Variants in GOLGA3 observed in about 807,000 individuals in gnomAD.
GOLGA3 encodes the protein golgin A3.
Under a neutral mutation model 169.4 loss-of-function variants are expected in GOLGA3, and 75 were observed. That is an observed-to-expected ratio of 0.44 (90% confidence interval 0.37 to 0.54). The LOEUF is 0.54. Among genes scored for constraint, GOLGA3 ranks in the 20% least tolerant of loss-of-function variants. GOLGA3 has a pLI of 0.00. For synonymous variants in GOLGA3, 824 were observed against 822.4 expected (o/e 1.00, Z -0.03); for missense variants, 1,899 against 1,930.0 (o/e 0.98, Z 0.30).
At chr12:132,824,210 T>C (rs1162137823) in intron 1 of GOLGA3, among the ~76,000 whole-genome samples, 1 of 152,208 alleles carries the variant, frequency 6.6e-6, no homozygotes, top group Non-Finnish European at 1.5e-5. Flanking sequence ...CCATCTAGAC[T>C]GGTCACCCGT....
Position 132,798,480 on chromosome 12 carries a change from T to G in GOLGA3, c.1801-3A>C, listed in dbSNP as rs753984420. The G allele has an allele frequency of 3.7e-6, 5 of 1,351,928 alleles. No individual in the cohort carries two copies. In the East Asian group the frequency reaches 1.1e-4, roughly 29 times the overall value. The allele number at this position is 1,351,928 out of a possible 1,614,324, so 83.7% of individuals were successfully genotyped here. A position where few individuals can be genotyped will look rare whatever the true frequency, so the allele number is the denominator to read the frequency against. On this transcript the variant is annotated splice_polypyrimidine_tract_variant and splice_region_variant and intron_variant, in intron 8 of 23. Transcript: ENST00000450791. ...CCTGCCTGGGTCATCTGTCCAACCT[T>G]AAAAAAAAAACCCACAAAGTAAAAA...
rs2044823067 is a variant in GOLGA3, at chr12:132,769,887, CG to C, written c.*3217del. 1 of 152,060 alleles carries C rather than the reference CG, an allele frequency of 6.6e-6. No homozygotes were observed. The allele number at this position is 152,060 out of a possible 1,614,324, so 9.4% of individuals were successfully genotyped here. A position where few individuals can be genotyped will look rare whatever the true frequency, so the allele number is the denominator to read the frequency against. ...AAGTAACTCTGGAAGGTAGAAGTGC[CG>C]GGAGAGTCCCTTGGAGATAAAAAAA... On this transcript the variant is annotated 3_prime_UTR_variant, in exon 24 of 24. Transcript: ENST00000450791.
intron 3 of GOLGA3, among the ~76,000 whole-genome samples, chr12:132,814,957 C>G (rs1183737494): frequency 6.6e-6 from 1 of 152,230 alleles, no homozygotes; most frequent in Non-Finnish European, 1.5e-5. Flanking sequence ...TCAGCAGACA[C>G]CGCCCGACGG....
rs1052970072 is a variant in GOLGA3, at chr12:132,801,578, TG to T, written c.1800+188del. ...CCGTGGGACTCCCATGTCAGAAGGTTGGGGGGGGGCCCACGGGACACGTCCT... is the reference window on the plus strand; with the variant it reads ...CCGTGGGACTCCCATGTCAGAAGGTTGGGGGGGGCCCACGGGACACGTCCT... On this transcript the variant is annotated intron_variant, in intron 8 of 23. Coordinates refer to ENST00000450791, the MANE Select transcript of GOLGA3 (RefSeq NM_001389683.1). Among the ~76,000 whole-genome samples the T allele has an allele frequency of 9.7e-3, 1,448 of 149,842 alleles. 25 individuals carry two copies. Among genetic ancestry groups the T allele is most frequent in the African/African-American group, 0.032 (1,286 of 40,810 alleles).
In GOLGA3 at chr12:132,771,839, T is replaced by TG. The variant is rs1305356561; in HGVS notation, c.*1265dup. 2.7e-5 allele frequency: 4 copies of TG among 149,134 alleles called. No homozygotes were observed. The highest frequency in any genetic ancestry group is 6.1e-5 in the Non-Finnish European group (4 of 65,942). The allele number at this position is 149,134 out of a possible 1,614,324, so 9.2% of individuals were successfully genotyped here. ...CGCGGGAGTCGCTGCAGGGAGCCCCTGGTCTGCTCTCCTCCTCCTCCTCCA... is the reference window on the plus strand; with the variant it reads ...CGCGGGAGTCGCTGCAGGGAGCCCCTGGGTCTGCTCTCCTCCTCCTCCTCCA... On this transcript the variant is annotated 3_prime_UTR_variant, in exon 24 of 24. Coordinates refer to ENST00000450791, the MANE Select transcript of GOLGA3 (RefSeq NM_001389683.1).
At chr12:132,813,517 T>A (rs1194245791) in intron 3 of GOLGA3, 98 bp from the exon 4 acceptor site, 1 of 637,466 alleles carries the variant, frequency 1.6e-6, no homozygotes, top group Non-Finnish European at 2.8e-6. Context: ...ATTACCCATA[T>A]ACTTTACACC....
rs1468123347 is a variant in GOLGA3, at chr12:132,822,040, G to A, written c.89C>T (p.Pro30Leu). 4 of 1,608,720 alleles carry A rather than the reference G, an allele frequency of 2.5e-6. No homozygotes were observed. The highest frequency in any genetic ancestry group is 2.3e-5 in the East Asian group (1 of 44,344). ...GTCAGGTGGCACCAGTGGGCCCGGG[G>A]GCTTCAGTGGGGCCTCGGGGAGAGA... ...PSSLPEAPLK[P>L]PGPLVPPDQQ... The change falls in exon 2 of 24, where the codon CCC (proline) becomes CTC (leucine). Residue 30 changes from proline to leucine, a missense_variant. Coordinates refer to ENST00000450791, the MANE Select transcript of GOLGA3 (RefSeq NM_001389683.1).
intron 5 of GOLGA3, 138 bp from the exon 6 acceptor site, chr12:132,807,426 G>A (rs1315296263): frequency 1.9e-6 from 1 of 537,422 alleles, no homozygotes; most frequent in Admixed American, 3.3e-5. Flanking sequence ...TAAGTAGAGA[G>A]CTGAGGCTTG....
intron 6 of GOLGA3, among the ~76,000 whole-genome samples, chr12:132,806,685 T>G (rs922914928): frequency 8.5e-5 from 13 of 152,142 alleles, no homozygotes; most frequent in African/African-American, 3.1e-4. Flanking sequence ...CGACAGAAGA[T>G]AAATACCTAG....
rs74503510 is a variant in GOLGA3, at chr12:132,799,694, C to T, written c.1801-1217G>A. 3.9e-5 allele frequency among the ~76,000 whole-genome samples: 6 copies of T among 152,000 alleles called. No individual in the cohort carries two copies. In the East Asian group the frequency reaches 1.2e-3, roughly 29 times the overall value. ...AGCCACCATTGCTTTAAAGCTTCCT[C>T]TCTTTTTGTTGTCCAGGCTACACCA... On this transcript the variant is annotated intron_variant, in intron 8 of 23. Transcript: ENST00000450791.
intron 15 of GOLGA3, among the ~76,000 whole-genome samples, chr12:132,785,348 C>T (rs1269692361): frequency 6.6e-6 from 1 of 152,118 alleles, no homozygotes; most frequent in African/African-American, 2.4e-5. Flanking sequence ...CTCTATCGCC[C>T]GGGCTGGAGT....
intron 2 of GOLGA3, among the ~76,000 whole-genome samples, chr12:132,821,252 CA>C (rs1950198905): frequency 6.6e-6 from 1 of 151,396 alleles, no homozygotes; most frequent in Non-Finnish European, 1.5e-5. Flanking sequence ...ACTAAAAATA[CA>C]AAAAATAGCT....
intron 8 of GOLGA3, among the ~76,000 whole-genome samples, chr12:132,799,152 C>A (rs961646375): frequency 6.6e-6 from 1 of 152,228 alleles, no homozygotes; most frequent in Non-Finnish European, 1.5e-5. Context: ...AAGCCACACG[C>A]TCCAGGACCT....
intron 7 of GOLGA3, among the ~76,000 whole-genome samples, chr12:132,803,558 T>C (rs1225967051): frequency 6.6e-6 from 1 of 152,218 alleles, no homozygotes; most frequent in Non-Finnish European, 1.5e-5. Context: ...CAAACTACTT[T>C]AGTGTTGAGA....
At chr12:132,793,078 A>T (rs1161855978) in intron 11 of GOLGA3, among the ~76,000 whole-genome samples, 1 of 17,840 alleles carries the variant, frequency 5.6e-5, no homozygotes, top group Non-Finnish European at 1.2e-4. Flanking sequence ...GGCTCCACAC[A>T]GACCCACCCC....
chr12:132,823,177 G>A (rs544714534), intron 1 of GOLGA3, among the ~76,000 whole-genome samples: 6 of 152,346 alleles, frequency 3.9e-5, no homozygotes, highest in South Asian at 2.1e-4. Context: ...GCCCGTTCCC[G>A]TCTTTACCTC....
intron 1 of GOLGA3, among the ~76,000 whole-genome samples, chr12:132,825,192 T>C (rs1332210392): frequency 2.0e-5 from 3 of 152,102 alleles, no homozygotes; most frequent in Non-Finnish European, 4.4e-5. Context: ...ACCGACCGTG[T>C]GTGCCTACGC....
At position 132,796,013 on chromosome 12, in the gene GOLGA3, G is replaced by C; in HGVS notation, c.2308C>G (p.Leu770Val). 2.5e-6 allele frequency: 4 copies of C among 1,613,170 alleles called. No homozygotes were observed. Among genetic ancestry groups the C allele is most frequent in the Non-Finnish European group, 3.4e-6 (4 of 1,180,010 alleles). Residue 770 changes from leucine (L) to valine (V), a missense_variant, in exon 11 of 24, where the codon CTC becomes GTC. Transcript: ENST00000450791. The stretch of plus-strand genomic sequence containing the variant: ...AAGATGATCTTCTCGTTCTGCAGGA[G>C]GCAGATCGTGTCCTCCCTGGAGGCG... Reference protein sequence around the residue: ...EAASREDTICLLQNEKIILEA... With the variant: ...EAASREDTICVLQNEKIILEA...
intron 1 of GOLGA3, among the ~76,000 whole-genome samples, chr12:132,826,542 T>G (rs1194463132): frequency 6.7e-6 from 1 of 150,264 alleles, no homozygotes; most frequent in East Asian, 2.0e-4. Context: ...AATCACAGAT[T>G]CTGCTCACTT....
Sources: gnomAD v4.1 joint callset for allele counts (sites outside exome capture counted in the v4.1 genomes callset) on GRCh38, gnomAD v4.1.1 for gene constraint, MANE v1.5 for transcripts, NCBI Gene and HGNC (gene_info 2026-07-23, HGNC 2026-07-21) for gene names.